CTNNA2: variants seen among roughly 807,000 people sequenced by gnomAD.
CTNNA2 encodes catenin alpha-2.
Under a neutral mutation model 101.0 loss-of-function variants are expected in CTNNA2, and 42 were observed. The observed-to-expected ratio is 0.42, with a 90% CI of 0.32 to 0.54. The LOEUF is 0.54. CTNNA2 is among the 20% of genes least tolerant of loss of function. The pLI, the probability that CTNNA2 is intolerant of heterozygous loss-of-function variation, is 0.14. For synonymous variants in CTNNA2, 450 were observed against 456.4 expected (o/e 0.99, Z 0.18); for missense variants, 871 against 1,223.1 (o/e 0.71, Z 4.29).
At chr2:80,333,869 T>A (rs1573750692) in intron 7 of CTNNA2, among the ~76,000 whole-genome samples, 1 of 152,186 alleles carries the variant, frequency 6.6e-6, no homozygotes, top group South Asian at 2.1e-4. Context: ...GTGATCCGCC[T>A]GTCTCAGCCT....
intron 7 of CTNNA2, among the ~76,000 whole-genome samples, chr2:80,260,612 C>T (rs189980687): frequency 7.9e-5 from 12 of 152,230 alleles, no homozygotes; most frequent in Admixed American, 7.9e-4. Flanking sequence ...TGACCTCACT[C>T]ACATAAACCA....
At chr2:79,249,181 A>T (rs1261955559) in intron 2 of CTNNA2, among the ~76,000 whole-genome samples, 2 of 139,712 alleles carry the variant, frequency 1.4e-5, no homozygotes, top group African/African-American at 5.4e-5. Context: ...GACACAATGC[A>T]TGAAAACTCC....
intron 4 of CTNNA2, among the ~76,000 whole-genome samples, chr2:79,488,329 A>C (rs1220291354): frequency 5.9e-5 from 4 of 67,690 alleles, no homozygotes; most frequent in Admixed American, 2.4e-4. Context: ...AAAAAAAAAA[A>C]AAAAAAAAAA....
chr2:80,557,844 A>AT (rs1372259200), intron 12 of CTNNA2, among the ~76,000 whole-genome samples: 1 of 152,004 alleles, frequency 6.6e-6, no homozygotes, highest in Non-Finnish European at 1.5e-5. Flanking sequence ...GTTCTGGTTG[A>AT]TTTTTCTACT....
intron 9 of CTNNA2, among the ~76,000 whole-genome samples, chr2:80,536,472 T>C (rs1185473942): frequency 6.6e-6 from 1 of 152,192 alleles, no homozygotes; most frequent in Non-Finnish European, 1.5e-5. Flanking sequence ...AGTGTGTTCT[T>C]AAAACACCAA....
chr2:80,063,155 AG>A (rs765180661), intron 7 of CTNNA2, among the ~76,000 whole-genome samples: 2 of 152,176 alleles, frequency 1.3e-5, no homozygotes, highest in Non-Finnish European at 2.9e-5. Flanking sequence ...AACAAAGTCC[AG>A]GCATTATGCC....
Position 79,272,217 on chromosome 2 carries a change from G to A in CTNNA2, c.-405-40492G>A, listed in dbSNP as rs115657743. On this transcript the variant is annotated intron_variant, in intron 2 of 21. Transcript: ENST00000466387. ...GTGCTAAAAATACAACACATTTGGCGGCCAGGAGCAATGTATGATCTAATA... is the reference window on the plus strand; with the variant it reads ...GTGCTAAAAATACAACACATTTGGCAGCCAGGAGCAATGTATGATCTAATA... Among the ~76,000 whole-genome samples, 184 of 151,856 alleles carry A rather than the reference G, an allele frequency of 1.2e-3. 1 individual carries two copies. Among genetic ancestry groups the A allele is most frequent in the African/African-American group, 3.9e-3 (160 of 41,432 alleles).
chr2:80,608,288 G>A lies in CTNNA2; in HGVS notation c.2400G>A (p.Gln800=), dbSNP rs768444465. The A allele has an allele frequency of 6.2e-7, 1 of 1,610,604 alleles. No homozygotes were observed. Among genetic ancestry groups the A allele is most frequent in the South Asian group, 1.1e-5 (1 of 90,900 alleles). The change falls in exon 17 of 19, where the codon CAG becomes CAA. Residue 800 remains glutamine (Q), a synonymous_variant. Transcript: ENST00000402739. ...GCAGCAAGGTGAAGGCAGAAGTGCAGAATCTGGGAGGAGAGCTCATTGTGT... is the reference window on the plus strand; with the variant it reads ...GCAGCAAGGTGAAGGCAGAAGTGCAAAATCTGGGAGGAGAGCTCATTGTGT... ...NICSKVKAEV[Q]NLGGELIVSG... is the part of the protein sequence containing the mutation.
At chr2:80,111,093 C>G (rs892650902) in intron 7 of CTNNA2, among the ~76,000 whole-genome samples, 1 of 152,076 alleles carries the variant, frequency 6.6e-6, no homozygotes, top group Non-Finnish European at 1.5e-5. Context: ...TGAGAACTCA[C>G]TCATTATCAC....
intron 3 of CTNNA2, among the ~76,000 whole-genome samples, chr2:79,344,035 G>T (rs1445814813): frequency 6.6e-6 from 1 of 152,088 alleles, no homozygotes; most frequent in Non-Finnish European, 1.5e-5. Context: ...GTAGGACGCC[G>T]AGCCCTGCCT....
intron 2 of CTNNA2, among the ~76,000 whole-genome samples, chr2:79,740,830 G>GTTT (rs10635044): frequency 5.1e-4 from 76 of 148,464 alleles, no homozygotes; most frequent in Middle Eastern, 3.4e-3. Flanking sequence ...ATTTGAAGAA[G>GTTT]TTTTTTTTTT....
intron 6 of CTNNA2, among the ~76,000 whole-genome samples, chr2:79,880,563 G>C (rs1170497471): frequency 6.6e-6 from 1 of 152,056 alleles, no homozygotes; most frequent in Non-Finnish European, 1.5e-5. Flanking sequence ...TATGTGTCCA[G>C]GAATTTATCC....
At chr2:80,214,564 G>A (rs1283843384) in intron 7 of CTNNA2, among the ~76,000 whole-genome samples, 1 of 152,182 alleles carries the variant, frequency 6.6e-6, no homozygotes, top group Non-Finnish European at 1.5e-5. Flanking sequence ...GGCTTGTAGA[G>A]TTTCTGCCGA....
At chr2:80,250,837 T>C (rs1364959721) in intron 7 of CTNNA2, among the ~76,000 whole-genome samples, 1 of 152,152 alleles carries the variant, frequency 6.6e-6, no homozygotes, top group Non-Finnish European at 1.5e-5. Flanking sequence ...CTATACAATT[T>C]AGGGAAATGG....
intron 3 of CTNNA2, among the ~76,000 whole-genome samples, chr2:79,318,873 C>T (rs1431358349): frequency 6.6e-6 from 1 of 152,194 alleles, no homozygotes; most frequent in Non-Finnish European, 1.5e-5. Context: ...AAGAAGTCTG[C>T]TACTTCTTCA....
chr2:79,210,831 C>T (rs959210520), intron 2 of CTNNA2, among the ~76,000 whole-genome samples: 4 of 152,146 alleles, frequency 2.6e-5, no homozygotes, highest in African/African-American at 9.7e-5. Context: ...GTCCCCCAAT[C>T]CCCGTATTCC....
At chr2:80,385,207 G>A (rs75664626) in intron 7 of CTNNA2, among the ~76,000 whole-genome samples, 2,682 of 152,270 alleles carry the variant, frequency 0.018, 79 homozygotes, top group African/African-American at 0.06. Flanking sequence ...GTATTTGGAG[G>A]TGGAGGCCTT....
At chr2:79,535,779 A>G (rs1673018491) in intron 1 of CTNNA2, among the ~76,000 whole-genome samples, 1 of 152,296 alleles carries the variant, frequency 6.6e-6, no homozygotes, top group Admixed American at 6.5e-5. Flanking sequence ...ATTCCCAGAA[A>G]GAATTAAAGA....
chr2:79,236,204 C>T (rs112042021), intron 2 of CTNNA2, among the ~76,000 whole-genome samples: 1 of 152,184 alleles, frequency 6.6e-6, no homozygotes, highest in African/African-American at 2.4e-5. Flanking sequence ...GCAATCATAA[C>T]TCCCTGTACC....
Sources: gnomAD v4.1 joint callset for allele counts (sites outside exome capture counted in the v4.1 genomes callset) on GRCh38, gnomAD v4.1.1 for gene constraint, MANE v1.5 for transcripts, NCBI Gene and HGNC (gene_info 2026-07-23, HGNC 2026-07-21) for gene names.